The following BMPR1A variants were observed in gnomAD, a reference collection of about 807,000 sequenced individuals.
BMPR1A encodes the protein bone morphogenetic protein receptor type 1A, also known as bone morphogenetic protein receptor type-1A.
A neutral mutation model predicts 66.0 loss-of-function variants in BMPR1A; 7 were observed. That is an observed-to-expected ratio of 0.11 (90% CI 0.06 to 0.20). The LOEUF (loss-of-function observed/expected upper bound fraction) is 0.20, where lower values mean the gene tolerates loss of function less well. BMPR1A is among the 10% of genes least tolerant of loss of function. The probability of loss-of-function intolerance (pLI) is 1.00; values close to 1 mark genes in which losing one functional copy is unlikely to be tolerated. For synonymous variants in BMPR1A, 200 were observed against 229.7 expected (o/e 0.87, Z 1.17); for missense variants, 408 against 669.1 (o/e 0.61, Z 4.31).
rs368595543 is a variant in BMPR1A, at chr10:86,890,134, G to T, written c.140G>T (p.Gly47Val). The T allele has an allele frequency of 1.2e-6, 2 of 1,613,952 alleles. No homozygotes were observed. Among genetic ancestry groups the T allele is most frequent in the Non-Finnish European group, 8.5e-7 (1 of 1,179,996 alleles). Reference protein sequence around the residue: ...SDSDQKKSENGVTLAPEDTLP... With the variant: ...SDSDQKKSENVVTLAPEDTLP... Reference sequence around the variant, plus strand: ...TCCGACCAGAAAAAGTCAGAAAATGGAGTAACCTTAGCACCAGAGGATACC... The same window carrying T: ...TCCGACCAGAAAAAGTCAGAAAATGTAGTAACCTTAGCACCAGAGGATACC... Residue 47 changes from glycine (G) to valine (V), a missense_variant, in exon 4 of 13, where the codon GGA (glycine) becomes GTA (valine). Around this residue, in one of 5 missense-constraint regions of BMPR1A, gnomAD observed 68 missense variants for 83.0 expected, o/e 0.82. Coordinates refer to ENST00000372037, the MANE Select transcript of BMPR1A (RefSeq NM_004329.3).
intron 2 of BMPR1A, among the ~76,000 whole-genome samples, chr10:86,844,780 T>C (rs1842463423): frequency 1.3e-5 from 2 of 152,178 alleles, no homozygotes; most frequent in African/African-American, 4.8e-5. Flanking sequence ...TTATTTTTTA[T>C]TTATTTATTT....
intron 1 of BMPR1A, among the ~76,000 whole-genome samples, chr10:86,791,248 TGTTTCCCAGGCTGGAGTGCAGTGGTGCGA>T (rs1841613994): frequency 6.6e-6 from 1 of 151,750 alleles, no homozygotes; most frequent in Admixed American, 6.6e-5. Flanking sequence ...AGTCTCGCTC[TGTTTCCCAGGCTGGAGTGCAGTGGTGCGA>T]TCTCGGCTCA....
intron 1 of BMPR1A, among the ~76,000 whole-genome samples, chr10:86,821,530 A>G (rs1842120094): frequency 1.3e-5 from 2 of 152,156 alleles, no homozygotes; most frequent in Admixed American, 1.3e-4. Flanking sequence ...GCTAGTGGGT[A>G]CATCATGCTC....
At chr10:86,804,792 G>GTTTTTTTTTTTTT (rs5786747) in intron 1 of BMPR1A, among the ~76,000 whole-genome samples, 2 of 57,268 alleles carry the variant, frequency 3.5e-5, no homozygotes, top group Middle Eastern at 8.8e-3. Context: ...GTTTGTAGGT[G>GTTTTTTTTTTTTT]TTTTTTTTTT....
At chr10:86,805,117 C>T (rs1841871060) in intron 1 of BMPR1A, among the ~76,000 whole-genome samples, 2 of 151,886 alleles carry the variant, frequency 1.3e-5, no homozygotes, top group South Asian at 4.2e-4. Context: ...AGGATTAGGC[C>T]CTACCCTGAT....
intron 5 of BMPR1A, among the ~76,000 whole-genome samples, chr10:86,899,524 A>G (rs1843274922): frequency 6.6e-6 from 1 of 152,248 alleles, no homozygotes; most frequent in African/African-American, 2.4e-5. Context: ...GTACCAGACC[A>G]GTTTATGATT....
At chr10:86,861,785 A>G (rs1356839580) in intron 2 of BMPR1A, among the ~76,000 whole-genome samples, 1 of 152,224 alleles carries the variant, frequency 6.6e-6, no homozygotes, top group Non-Finnish European at 1.5e-5. Flanking sequence ...AACAGCGGAA[A>G]CTTTTTCCTC....
At chr10:86,781,863 T>TTC (rs1841442129) in intron 1 of BMPR1A, among the ~76,000 whole-genome samples, 1 of 138,550 alleles carries the variant, frequency 7.2e-6, no homozygotes, top group African/African-American at 2.7e-5. Flanking sequence ...ATTTCTTTTT[T>TTC]TTTTTTTTTT....
intron 1 of BMPR1A, among the ~76,000 whole-genome samples, chr10:86,823,911 C>T (rs1842155742): frequency 1.3e-5 from 2 of 152,212 alleles, no homozygotes; most frequent in African/African-American, 4.8e-5. Flanking sequence ...TTCGGTTAAT[C>T]ATCATGTGTG....
rs373514056 is a variant in BMPR1A at position 86,788,458 on chromosome 10, A to G, written c.-268+31539A>G. 3.3e-5 allele frequency among the ~76,000 whole-genome samples: 5 copies of G among 152,374 alleles called. No homozygotes were observed. The East Asian group carries it at 7.7e-4, about 23-fold the overall frequency. The stretch of plus-strand genomic sequence containing the variant: ...GGGGCAGTAGTGTAAAGCAGTGTCC[A>G]GACATTGGTCTTAGGGCTGGAGTGG... On this transcript the variant is annotated intron_variant, in intron 1 of 12. Coordinates refer to ENST00000372037, the MANE Select transcript of BMPR1A (RefSeq NM_004329.3).
chr10:86,893,430 A>T (rs954022950), intron 5 of BMPR1A, among the ~76,000 whole-genome samples: 4 of 152,236 alleles, frequency 2.6e-5, no homozygotes, highest in African/African-American at 9.6e-5. Flanking sequence ...CCAGCTCCAG[A>T]TAGAATTGTT....
intron 1 of BMPR1A, among the ~76,000 whole-genome samples, chr10:86,836,714 C>T (rs1009915114): frequency 1.3e-5 from 2 of 152,102 alleles, no homozygotes; most frequent in Admixed American, 1.3e-4. Context: ...GGGAGGATTC[C>T]TTAAGCCCAG....
At chr10:86,901,251 GA>G (rs1564718311) in intron 7 of BMPR1A, among the ~76,000 whole-genome samples, 2 of 152,192 alleles carry the variant, frequency 1.3e-5, no homozygotes, top group South Asian at 4.1e-4. Context: ...ATCTGACCCT[GA>G]GCTACCCAAT....
rs181727272 is a variant in BMPR1A, at chr10:86,792,916, G to T, written c.-268+35997G>T. On this transcript the variant is annotated intron_variant, in intron 1 of 12. Coordinates refer to ENST00000372037, the MANE Select transcript of BMPR1A (RefSeq NM_004329.3). ...CCTATATATAAATGGGATAATAATA[G>T]CACCTATATCAAGGAGTAATTTATT... is the stretch of plus-strand genomic sequence containing the variant. Among the ~76,000 whole-genome samples, 26 of 152,236 alleles carry T rather than the reference G, an allele frequency of 1.7e-4. No individual in the cohort carries two copies. The East Asian group carries it at 5.0e-3, about 29-fold the overall frequency.
At chr10:86,784,570 A>C (rs1841490997) in intron 1 of BMPR1A, among the ~76,000 whole-genome samples, 3 of 152,108 alleles carry the variant, frequency 2.0e-5, no homozygotes, top group African/African-American at 7.2e-5. Flanking sequence ...GACTTTGAGG[A>C]GGTTTGGTAT....
At chr10:86,811,775 G>A (rs1206711260) in intron 1 of BMPR1A, among the ~76,000 whole-genome samples, 1 of 152,124 alleles carries the variant, frequency 6.6e-6, no homozygotes, top group Non-Finnish European at 1.5e-5. Flanking sequence ...ATGTATGATA[G>A]TCTAATTCTG....
intron 2 of BMPR1A, among the ~76,000 whole-genome samples, chr10:86,870,762 T>C (rs1842844899): frequency 6.6e-6 from 1 of 152,052 alleles, no homozygotes; most frequent in African/African-American, 2.4e-5. Context: ...CCATCCACTA[T>C]ACCACTGCCA....
intron 2 of BMPR1A, among the ~76,000 whole-genome samples, chr10:86,850,342 G>T (rs1028555355): frequency 4.6e-5 from 7 of 151,362 alleles, no homozygotes; most frequent in Non-Finnish European, 8.8e-5. Context: ...ACAGTTCATT[G>T]CTCAATAAGT....
chr10:86,791,335 C>T (rs577529450), intron 1 of BMPR1A, among the ~76,000 whole-genome samples: 1 of 151,892 alleles, frequency 6.6e-6, no homozygotes, highest in South Asian at 2.1e-4. Flanking sequence ...GCCTCAGCCT[C>T]TTGAGTAGCT....
Sources: gnomAD v4.1 joint callset for allele counts (sites outside exome capture counted in the v4.1 genomes callset) on GRCh38, gnomAD v4.1.1 for gene constraint, gnomAD v4.1.1 regional missense constraint, MANE v1.5 for transcripts, NCBI Gene and HGNC (gene_info 2026-07-23, HGNC 2026-07-21) for gene names.